The following UBR3 variants were observed in gnomAD, a reference collection of about 807,000 sequenced individuals.
UBR3 encodes E3 ubiquitin-protein ligase UBR3.
In UBR3, 85 loss-of-function variants were observed where a neutral mutation model predicts 243.2. The ratio of observed to expected loss-of-function variants is 0.35; its 90% CI spans 0.29 to 0.42. The LOEUF is 0.42. UBR3 is among the 10% of genes least tolerant of loss of function. UBR3 has a pLI of 1.00. For synonymous variants in UBR3, 748 were observed against 799.8 expected (o/e 0.94, Z 1.09); for missense variants, 1,686 against 2,300.8 (o/e 0.73, Z 5.47).
At chr2:169,880,313 G>C (rs1559051321) in intron 5 of UBR3, among the ~76,000 whole-genome samples, 1 of 152,132 alleles carries the variant, frequency 6.6e-6, no homozygotes. Flanking sequence ...ATATTTATGT[G>C]GTAGGTTAGA....
At chr2:169,896,401 T>C (rs2084594410) in intron 7 of UBR3, 106 bp from the exon 8 acceptor site, 4 of 662,976 alleles carry the variant, frequency 6.0e-6, no homozygotes, top group Non-Finnish European at 9.3e-6. Context: ...TGGGCATTAT[T>C]ATAAATTAGT....
At chr2:170,080,458 A>G in intron 37 of UBR3, 87 bp from the exon 38 acceptor site, 1 of 1,249,710 alleles carries the variant, frequency 8.0e-7, no homozygotes, top group Non-Finnish European at 1.1e-6. Flanking sequence ...AAATCACTGT[A>G]TTATTTAGAA....
intron 11 of UBR3, 134 bp downstream of exon 11, chr2:169,914,280 T>C (rs2085366455): frequency 2.4e-6 from 1 of 415,400 alleles, no homozygotes; most frequent in African/African-American, 2.1e-5. Flanking sequence ...GAACATATTA[T>C]TAGGCTTTGA....
At chr2:169,831,127 A>ATATATATATTTTT (rs1450878762) in intron 1 of UBR3, among the ~76,000 whole-genome samples, 3 of 56,466 alleles carry the variant, frequency 5.3e-5, no homozygotes, top group African/African-American at 2.7e-4. Context: ...ATATATATAT[A>ATATATATATTTTT]TTTTTTTTTT....
At chr2:170,052,311 A>G (rs1232717614) in intron 32 of UBR3, among the ~76,000 whole-genome samples, 1 of 152,200 alleles carries the variant, frequency 6.6e-6, no homozygotes, top group Admixed American at 6.5e-5. Flanking sequence ...AAACTAAAAT[A>G]GAACTACTGT....
In UBR3 at chr2:170,005,216, T is replaced by C. The variant is rs911282302; in HGVS notation, c.4030-1774T>C. 3.8e-4 allele frequency among the ~76,000 whole-genome samples: 58 copies of C among 152,114 alleles called. 1 individual carries two copies. Among genetic ancestry groups the C allele is most frequent in the Admixed American group, 2.0e-4 (3 of 15,266 alleles). The stretch of plus-strand genomic sequence containing the variant: ...TCCAGTCTGGGCAATAGAGCAAGGC[T>C]CCGTCTCAAACAAAACAAAACAAAA... On this transcript the variant is annotated intron_variant, in intron 27 of 38. Coordinates refer to ENST00000272793, the MANE Select transcript of UBR3 (RefSeq NM_172070.4).
chr2:170,009,759 A>G (rs960929567), intron 29 of UBR3, among the ~76,000 whole-genome samples: 8 of 152,296 alleles, frequency 5.3e-5, no homozygotes, highest in African/African-American at 1.9e-4. Context: ...CTTGAGGTCA[A>G]TACAGCAAGT....
At chr2:169,927,599 G>C (rs1377053961) in intron 17 of UBR3, among the ~76,000 whole-genome samples, 194 bp downstream of exon 17, 1 of 145,296 alleles carries the variant, frequency 6.9e-6, no homozygotes, top group African/African-American at 2.6e-5. Flanking sequence ...TTAACCTCCT[G>C]TTATTACCTC....
At chr2:169,943,917 C>G (rs918713781) in intron 20 of UBR3, among the ~76,000 whole-genome samples, 1 of 151,916 alleles carries the variant, frequency 6.6e-6, no homozygotes, top group Non-Finnish European at 1.5e-5. Flanking sequence ...ACTTCTCTTC[C>G]TTTCAACCCT....
chr2:170,018,671 G>C (rs1251957465), intron 30 of UBR3, among the ~76,000 whole-genome samples: 1 of 152,178 alleles, frequency 6.6e-6, no homozygotes, highest in Non-Finnish European at 1.5e-5. Context: ...GAAGCTTTTG[G>C]TGGACAAGGC....
intron 6 of UBR3, among the ~76,000 whole-genome samples, chr2:169,892,949 A>C (rs892246779): frequency 4.9e-4 from 75 of 152,340 alleles, no homozygotes; most frequent in African/African-American, 1.8e-3. Context: ...CCTTTGCTTT[A>C]GTCATGCATT....
intron 6 of UBR3, among the ~76,000 whole-genome samples, chr2:169,894,723 T>C (rs2084515734): frequency 6.6e-6 from 1 of 152,088 alleles, no homozygotes; most frequent in Admixed American, 6.6e-5. Flanking sequence ...CTCTACAAGG[T>C]TATCCTGGAA....
At position 169,870,889 on chromosome 2, in the gene UBR3, G is replaced by C. The variant is rs141809576; in HGVS notation, c.546-1347G>C. ...GGCTGGTCTTGAACGCCTGACCTCA[G>C]GTGATGCACCGGCCTTGGCCTCCCA... On this transcript the variant is annotated intron_variant, in intron 1 of 38. Coordinates refer to ENST00000272793, the MANE Select transcript of UBR3 (RefSeq NM_172070.4). Among the ~76,000 whole-genome samples, 847 of 151,334 alleles carry C rather than the reference G, an allele frequency of 5.6e-3. 7 individuals carry two copies. Among genetic ancestry groups the C allele is most frequent in the African/African-American group, 0.019 (799 of 41,210 alleles).
intron 3 of UBR3, among the ~76,000 whole-genome samples, chr2:169,876,230 G>A (rs1487937621): frequency 1.3e-5 from 2 of 151,836 alleles, no homozygotes; most frequent in African/African-American, 2.4e-5. Context: ...ACAGGCGCCC[G>A]CCACTACGCC....
Position 169,836,039 on chromosome 2 carries a change from CTCTCTATATATATA to C in UBR3, c.545+7989_545+8002del, listed in dbSNP as rs1172073703. ...TCTCTCTCTCTCTCTCTCTCTCTCTCTCTCTATATATATATATATATATATATATTTTTTTTTTT... is the reference window on the plus strand; with the variant it reads ...TCTCTCTCTCTCTCTCTCTCTCTCTCTATATATATATATATTTTTTTTTTT... On this transcript the variant is annotated intron_variant, in intron 1 of 38. Coordinates refer to ENST00000272793, the MANE Select transcript of UBR3 (RefSeq NM_172070.4). Among the ~76,000 whole-genome samples the C allele has an allele frequency of 3.7e-3, 37 of 9,952 alleles. 2 individuals carry two copies. Among genetic ancestry groups the C allele is most frequent in the Admixed American group, 6.8e-3 (3 of 440 alleles). 6.5% of individuals were successfully genotyped at this position (9,952 alleles called of 152,430 possible).
At chr2:169,939,841 A>G (rs1459866185) in intron 19 of UBR3, among the ~76,000 whole-genome samples, 2 of 152,176 alleles carry the variant, frequency 1.3e-5, no homozygotes, top group Admixed American at 6.5e-5. Flanking sequence ...CTGAGATTAC[A>G]GGTGTGAGCC....
intron 5 of UBR3, among the ~76,000 whole-genome samples, chr2:169,883,594 G>T (rs1264149783): frequency 6.6e-6 from 1 of 152,102 alleles, no homozygotes; most frequent in East Asian, 1.9e-4. Context: ...CTTTTCCCTG[G>T]ATTCAGTTGA....
At chr2:169,990,579 A>G (rs1373147324) in intron 25 of UBR3, among the ~76,000 whole-genome samples, 3 of 152,074 alleles carry the variant, frequency 2.0e-5, no homozygotes, top group Non-Finnish European at 4.4e-5. Flanking sequence ...AGGCATTGAG[A>G]TAGAAACACA....
At chr2:169,914,934 T>A (rs1433570091) in intron 11 of UBR3, among the ~76,000 whole-genome samples, 1 of 151,948 alleles carries the variant, frequency 6.6e-6, no homozygotes, top group Non-Finnish European at 1.5e-5. Context: ...AAAAGTTGAG[T>A]GGACAAAGAA....
Sources: allele counts gnomAD v4.1 joint callset (sites outside exome capture counted in the v4.1 genomes callset), GRCh38; gene constraint gnomAD v4.1.1; transcripts MANE v1.5; gene names NCBI Gene and HGNC (gene_info 2026-07-23, HGNC 2026-07-21).